GNA14: variants seen among roughly 807,000 people sequenced by gnomAD.
GNA14 encodes G protein subunit alpha 14, also known as guanine nucleotide-binding protein subunit alpha-14.
A neutral mutation model predicts 42.0 loss-of-function variants in GNA14; 50 were observed. That is an observed-to-expected ratio of 1.19 (90% CI 0.95 to 1.51). The LOEUF is 1.51. Ranked by LOEUF, GNA14 falls within the 40% of genes most tolerant of loss-of-function variation. The probability of loss-of-function intolerance (pLI) is 0.00; values close to 1 mark genes in which losing one functional copy is unlikely to be tolerated. For synonymous variants in GNA14, 173 were observed against 163.1 expected (o/e 1.06, Z -0.46); for missense variants, 473 against 446.2 (o/e 1.06, Z -0.54).
intron 1 of GNA14, among the ~76,000 whole-genome samples, chr9:77,592,123 C>T (rs1823400293): frequency 6.6e-6 from 1 of 151,994 alleles, no homozygotes; most frequent in Admixed American, 6.6e-5. Context: ...ACAGTGGTCT[C>T]GATCTCCTGA....
At chr9:77,641,706 G>T (rs1322809919) in intron 1 of GNA14, among the ~76,000 whole-genome samples, 1 of 152,168 alleles carries the variant, frequency 6.6e-6, no homozygotes, top group Non-Finnish European at 1.5e-5. Flanking sequence ...GCCTCCTCTG[G>T]ACCCTGTACT....
At chr9:77,479,160 A>T (rs913419405) in intron 2 of GNA14, among the ~76,000 whole-genome samples, 2 of 152,154 alleles carry the variant, frequency 1.3e-5, no homozygotes, top group African/African-American at 4.8e-5. Context: ...TTTTAGGTCT[A>T]ACATTTAAGT....
chr9:77,500,045 G>C (rs1265910834), intron 2 of GNA14, among the ~76,000 whole-genome samples: 1 of 148,980 alleles, frequency 6.7e-6, no homozygotes. Context: ...TTTTTGAAAC[G>C]GAGTTTCACT....
At chr9:77,496,442 A>G (rs1418920603) in intron 2 of GNA14, among the ~76,000 whole-genome samples, 2 of 152,194 alleles carry the variant, frequency 1.3e-5, no homozygotes, top group African/African-American at 4.8e-5. Context: ...CAAAGTTTTA[A>G]GGACAGCATA....
chr9:77,564,418 A>G (rs1159102020), intron 1 of GNA14, among the ~76,000 whole-genome samples: 1 of 152,176 alleles, frequency 6.6e-6, no homozygotes, highest in Non-Finnish European at 1.5e-5. Context: ...GGCACTGCCC[A>G]GGATGAGAAC....
intron 2 of GNA14, among the ~76,000 whole-genome samples, chr9:77,457,997 GC>G (rs1445048163): frequency 6.6e-6 from 1 of 151,832 alleles, no homozygotes; most frequent in Non-Finnish European, 1.5e-5. Flanking sequence ...TTAATGATGT[GC>G]TTTTGAAACG....
intron 1 of GNA14, among the ~76,000 whole-genome samples, chr9:77,609,369 T>C (rs1014817543): frequency 2.0e-5 from 3 of 152,186 alleles, no homozygotes; most frequent in African/African-American, 7.2e-5. Context: ...TTAAGTATTC[T>C]CTACAAAGAT....
chr9:77,451,291 C>A (rs770057144), intron 2 of GNA14, among the ~76,000 whole-genome samples: 1 of 152,192 alleles, frequency 6.6e-6, no homozygotes, highest in Admixed American at 6.5e-5. Context: ...TTAGCAGTCT[C>A]TAGCTAAAGA....
rs773849195 is a variant in GNA14 at position 77,507,315 on chromosome 9, G to A, written c.309+21754C>T. Among the ~76,000 whole-genome samples the A allele has an allele frequency of 7.8e-4, 119 of 152,176 alleles. 1 individual carries two copies. The highest frequency in any genetic ancestry group is 1.1e-3 in the Non-Finnish European group (76 of 68,024). On this transcript the variant is annotated intron_variant, in intron 2 of 6. Coordinates refer to ENST00000341700, the MANE Select transcript of GNA14 (RefSeq NM_004297.4). ...TCCTACATAAAAGTCCAAATGGCTC[G>A]TTGGGGTGAGGAAGAGGTCAGGTCT...
At chr9:77,501,666 A>G (rs181850347) in intron 2 of GNA14, among the ~76,000 whole-genome samples, 14 of 151,056 alleles carry the variant, frequency 9.3e-5, no homozygotes, top group Non-Finnish European at 1.5e-5. Flanking sequence ...TCCTTTTGAT[A>G]TAATCTTAAA....
At chr9:77,543,732 T>C (rs1242274824) in intron 1 of GNA14, among the ~76,000 whole-genome samples, 1 of 151,876 alleles carries the variant, frequency 6.6e-6, no homozygotes, top group Non-Finnish European at 1.5e-5. Flanking sequence ...TCCCTCTCCT[T>C]CTTTGCTTTT....
rs563731081 is a variant in GNA14 at position 77,431,465 on chromosome 9, C to G, written c.465-16G>C. The G allele has an allele frequency of 2.5e-6, 4 of 1,588,946 alleles. No individual in the cohort carries two copies. The Admixed American group carries it at 5.1e-5, about 20-fold the overall frequency. ...AGTCAGGTAACTGTATATTAGAGAA[C>G]GAGGAACTGACTCTCCTTTTAGAGC... On this transcript the variant is annotated splice_polypyrimidine_tract_variant and intron_variant, in intron 3 of 6. Transcript: ENST00000341700.
At chr9:77,623,991 T>A (rs1180165705) in intron 1 of GNA14, among the ~76,000 whole-genome samples, 1 of 152,010 alleles carries the variant, frequency 6.6e-6, no homozygotes, top group Non-Finnish European at 1.5e-5. Context: ...CCCACCCTCA[T>A]GGGGCCCAGC....
chr9:77,520,057 A>C lies in GNA14; in HGVS notation c.309+9012T>G, dbSNP rs538449153. Among the ~76,000 whole-genome samples, 4 of 152,280 alleles carry C rather than the reference A, an allele frequency of 2.6e-5. No individual in the cohort carries two copies. The South Asian group carries it at 8.3e-4, about 32-fold the overall frequency. Reference sequence around the variant, plus strand: ...AAAGCCCAGACTTCACCACTATGCAACATAGCCATGCAATAAAACTGCATT... The same window carrying C: ...AAAGCCCAGACTTCACCACTATGCACCATAGCCATGCAATAAAACTGCATT... On this transcript the variant is annotated intron_variant, in intron 2 of 6. Transcript: ENST00000341700.
At position 77,602,873 on chromosome 9, in the gene GNA14, T is replaced by G. The variant is rs77090602; in HGVS notation, c.124+44797A>C. Among the ~76,000 whole-genome samples, 243 of 152,352 alleles carry G rather than the reference T, an allele frequency of 1.6e-3. No individual in the cohort carries two copies. In the East Asian group the frequency reaches 0.034, roughly 22 times the overall value. ...CTCTGCTGTTACTGTCTTGAAATTC[T>G]CTATAACTTTTGCCCAAGGACCCTA... is the stretch of plus-strand genomic sequence containing the variant. On this transcript the variant is annotated intron_variant, in intron 1 of 6. Transcript: ENST00000341700.
intron 1 of GNA14, 80 bp downstream of exon 1, chr9:77,647,590 G>A: frequency 1.3e-6 from 2 of 1,486,212 alleles, no homozygotes; most frequent in Middle Eastern, 2.0e-4. Context: ...CTCCAGGGCC[G>A]CGCGGGTGCC....
Position 77,647,694 on chromosome 9 carries a change from G to C in GNA14, c.100C>G (p.Arg34Gly), listed in dbSNP as rs1034961597. 3 of 1,610,090 alleles carry C rather than the reference G, an allele frequency of 1.9e-6. No individual in the cohort carries two copies. The highest frequency in any genetic ancestry group is 2.5e-6 in the Non-Finnish European group (3 of 1,178,658). ...QLRRDKKDAR[R>G]ELKLLLLGTG... ...CCCAGCAGCAGCAGCTTAAGCTCAC[G>C]GCGCGCGTCCTTCTTGTCCCGACGA... is the stretch of plus-strand genomic sequence containing the variant. The change falls in exon 1 of 7, where the codon CGT becomes GGT. Residue 34 changes from arginine (R) to glycine (G), a missense_variant. Transcript: ENST00000341700.
intron 1 of GNA14, among the ~76,000 whole-genome samples, chr9:77,622,312 A>T (rs1564068821): frequency 6.6e-6 from 1 of 152,168 alleles, no homozygotes; most frequent in Non-Finnish European, 1.5e-5. Flanking sequence ...TTTCTTCTTC[A>T]AATTTAAGGA....
intron 1 of GNA14, among the ~76,000 whole-genome samples, chr9:77,632,837 C>G (rs1272775422): frequency 2.0e-5 from 3 of 152,188 alleles, no homozygotes; most frequent in Non-Finnish European, 4.4e-5. Context: ...CTCACTATTC[C>G]ATGCCTGACT....
Sources: gnomAD v4.1 joint callset for allele counts (sites outside exome capture counted in the v4.1 genomes callset) on GRCh38, gnomAD v4.1.1 for gene constraint, MANE v1.5 for transcripts, NCBI Gene and HGNC (gene_info 2026-07-23, HGNC 2026-07-21) for gene names.